The following HADHA variants were observed in gnomAD, a reference collection of about 807,000 sequenced individuals.
HADHA encodes hydroxyacyl-CoA dehydrogenase trifunctional multienzyme complex subunit alpha, also known as trifunctional enzyme subunit alpha, mitochondrial.
In HADHA, 59 loss-of-function variants were observed where a neutral mutation model predicts 91.3. That is an observed-to-expected ratio of 0.65 (90% CI 0.52 to 0.80). The LOEUF (loss-of-function observed/expected upper bound fraction) is 0.80, where lower values mean the gene tolerates loss of function less well. Ranked by LOEUF, HADHA falls within the 30% of genes least tolerant of loss-of-function variation. The pLI is 0.00. For synonymous variants in HADHA, 320 were observed against 338.9 expected (o/e 0.94, Z 0.61); for missense variants, 800 against 927.6 (o/e 0.86, Z 1.79).
At chr2:26,195,370 G>T in intron 14 of HADHA, 138 bp from the exon 15 acceptor site, 1 of 789,378 alleles carries the variant, frequency 1.3e-6, no homozygotes. Context: ...TGAGTGGTTT[G>T]GTTCCATGGG....
In HADHA at chr2:26,191,611, A is replaced by T; in HGVS notation, c.2018T>A (p.Ile673Asn). 6.2e-7 allele frequency: 1 copy of T among 1,614,160 alleles called. No individual in the cohort carries two copies. The highest frequency in any genetic ancestry group is 2.2e-5 in the East Asian group (1 of 44,876). Residue 673 changes from isoleucine to asparagine, a missense_variant, in exon 19 of 20, where the codon ATC (isoleucine) becomes AAC (asparagine). Coordinates refer to ENST00000380649, the MANE Select transcript of HADHA (RefSeq NM_000182.5). Reference sequence around the variant, plus strand: ...AAATCTTGTCACCAGGCGGAACTGGATGTCTTCGTCTGATGAGCTGCCAAC... The same window carrying T: ...AAATCTTGTCACCAGGCGGAACTGGTTGTCTTCGTCTGATGAGCTGCCAAC... ...PKSEVSSDED[I>N]QFRLVTRFVN...
At chr2:26,226,328 T>G (rs150185153) in intron 7 of HADHA, among the ~76,000 whole-genome samples, 101 of 152,304 alleles carry the variant, frequency 6.6e-4, no homozygotes, top group African/African-American at 2.3e-3. Context: ...AAAATGATTA[T>G]AAAATTTGTA....
rs539549041 is a variant in HADHA, at chr2:26,190,895, G to A, written c.*355C>T. 8.0e-4 allele frequency: 309 copies of A among 384,776 alleles called. No individual in the cohort carries two copies. In the Middle Eastern group the frequency reaches 9.0e-3, roughly 11 times the overall value. 23.8% of individuals were successfully genotyped at this position (384,776 alleles called of 1,614,324 possible). On this transcript the variant is annotated 3_prime_UTR_variant, in exon 20 of 20. Transcript: ENST00000380649. The stretch of plus-strand genomic sequence containing the variant: ...GCTGACACAGAGTTTGGTTTTTATT[G>A]TTATGTGTTTGGCTGGGTGCAGAAC...
intron 7 of HADHA, among the ~76,000 whole-genome samples, chr2:26,219,396 G>C (rs1670317553): frequency 6.6e-6 from 1 of 152,148 alleles, no homozygotes; most frequent in Non-Finnish European, 1.5e-5. Flanking sequence ...GAAGTGCTGG[G>C]ATTACAGGCG....
intron 17 of HADHA, 44 bp from the exon 18 acceptor site, chr2:26,192,468 G>T: frequency 1.9e-6 from 2 of 1,059,952 alleles, no homozygotes; most frequent in Non-Finnish European, 3.0e-6. Context: ...TGTTCTCAGG[G>T]AGGGAGTGTT....
At position 26,229,623 on chromosome 2, in the gene HADHA, G is replaced by A. The variant is rs1214218817; in HGVS notation, c.676+569C>T. On this transcript the variant is annotated intron_variant, in intron 7 of 19. Coordinates refer to ENST00000380649, the MANE Select transcript of HADHA (RefSeq NM_000182.5). This position sits in a 1 kb window ranked among gnomAD's most constrained non-coding sequence, Gnocchi z 4.3. Reference sequence around the variant, plus strand: ...TGAAGGAAGGTTATGCATGGATAATGATACAGGTAATTTAAGAACCAAAAA... The same window carrying A: ...TGAAGGAAGGTTATGCATGGATAATAATACAGGTAATTTAAGAACCAAAAA... Among the ~76,000 whole-genome samples the A allele has an allele frequency of 2.6e-5, 4 of 152,152 alleles. No homozygotes were observed. The East Asian group carries it at 7.7e-4, about 29-fold the overall frequency.
intron 17 of HADHA, among the ~76,000 whole-genome samples, chr2:26,193,278 A>G (rs1207473281): frequency 6.9e-6 from 1 of 144,168 alleles, no homozygotes; most frequent in East Asian, 2.2e-4. Flanking sequence ...AGCCCTTAGA[A>G]GGTTCACATG....
intron 11 of HADHA, among the ~76,000 whole-genome samples, chr2:26,206,784 A>G (rs1178148752): frequency 6.6e-6 from 1 of 152,216 alleles, no homozygotes; most frequent in Non-Finnish European, 1.5e-5. Context: ...ATTCGTCAAC[A>G]GGGGATTAAA....
chr2:26,203,985 A>G, intron 12 of HADHA, 77 bp downstream of exon 12: 1 of 1,435,854 alleles, frequency 7.0e-7, no homozygotes, highest in Non-Finnish European at 9.8e-7. Flanking sequence ...AAAAAAACCC[A>G]CCAAGCCACC....
intron 7 of HADHA, among the ~76,000 whole-genome samples, chr2:26,225,397 CAAA>C (rs35279747): frequency 7.5e-4 from 105 of 139,186 alleles, no homozygotes; most frequent in Non-Finnish European, 7.0e-4. Context: ...GACTCCATCT[CAAA>C]AAAAAAAAAA....
intron 7 of HADHA, among the ~76,000 whole-genome samples, chr2:26,220,013 C>A (rs1373884617): frequency 6.6e-6 from 1 of 152,162 alleles, no homozygotes; most frequent in African/African-American, 2.4e-5. Flanking sequence ...TCCTGTTTAT[C>A]TTTCTCCTAC....
chr2:26,206,530 A>C (rs994762691), intron 11 of HADHA, among the ~76,000 whole-genome samples: 2 of 152,184 alleles, frequency 1.3e-5, no homozygotes, highest in African/African-American at 4.8e-5. Flanking sequence ...CACCTGGCCA[A>C]AAATTTTAAA....
intron 12 of HADHA, among the ~76,000 whole-genome samples, chr2:26,203,701 T>C (rs1264829669): frequency 1.3e-5 from 2 of 152,124 alleles, no homozygotes; most frequent in South Asian, 2.1e-4. Context: ...TCCTTAACAA[T>C]AGAGCAATTA....
At chr2:26,206,614 G>A (rs1003172111) in intron 11 of HADHA, among the ~76,000 whole-genome samples, 1 of 152,006 alleles carries the variant, frequency 6.6e-6, no homozygotes, top group Non-Finnish European at 1.5e-5. Flanking sequence ...CTTTTGGGGG[G>A]GTTCTTTGGT....
rs115231603 is a variant in HADHA, at chr2:26,202,634, G to A, written c.1221-1314C>T. Reference sequence around the variant, plus strand: ...CGCATGCCTGTAGTCTCAGCTATTCGTGAGGCTGAGGCATGAGAATCGCTT... The same window carrying A: ...CGCATGCCTGTAGTCTCAGCTATTCATGAGGCTGAGGCATGAGAATCGCTT... On this transcript the variant is annotated intron_variant, in intron 12 of 19. Coordinates refer to ENST00000380649, the MANE Select transcript of HADHA (RefSeq NM_000182.5). 2.7e-3 allele frequency among the ~76,000 whole-genome samples: 416 copies of A among 152,316 alleles called. 1 individual carries two copies. The highest frequency in any genetic ancestry group is 4.6e-3 in the Non-Finnish European group (315 of 68,030).
chr2:26,237,057 A>AATAGCATTTGATGG, intron 3 of HADHA, 69 bp from the exon 4 acceptor site: 1 of 1,065,292 alleles, frequency 9.4e-7, no homozygotes, highest in Non-Finnish European at 1.5e-6. Context: ...CCACCATCAA[A>AATAGCATTTGATGG]TGCTATTTTG....
At chr2:26,217,821 T>G (rs367904258) in intron 7 of HADHA, among the ~76,000 whole-genome samples, 1 of 152,046 alleles carries the variant, frequency 6.6e-6, no homozygotes, top group East Asian at 1.9e-4. Flanking sequence ...GTGGAAAGAT[T>G]GCTTGAGCCC....
At chr2:26,212,782 C>T (rs1236085468) in intron 9 of HADHA, among the ~76,000 whole-genome samples, 156 bp from the exon 10 acceptor site, 2 of 152,212 alleles carry the variant, frequency 1.3e-5, no homozygotes, top group Non-Finnish European at 2.9e-5. Flanking sequence ...TCTGGCTGCT[C>T]TCGACTGACT....
At chr2:26,239,237 AC>A (rs577942182) in intron 1 of HADHA, 94 bp from the exon 2 acceptor site, 53 of 863,598 alleles carry the variant, frequency 6.1e-5, no homozygotes, top group African/African-American at 5.5e-4. Context: ...AATAACAACA[AC>A]AAAAACCCCA....
Sources: gnomAD v4.1 joint callset for allele counts (sites outside exome capture counted in the v4.1 genomes callset) on GRCh38, gnomAD v4.1.1 for gene constraint, Gnocchi (gnomAD v3.1) non-coding constraint, MANE v1.5 for transcripts, NCBI Gene and HGNC (gene_info 2026-07-23, HGNC 2026-07-21) for gene names.